The following GRAMD1B variants were observed in gnomAD, a reference collection of about 807,000 sequenced individuals.
GRAMD1B encodes GRAM domain containing 1B.
GRAMD1B carries 37 observed loss-of-function variants against 99.7 expected under a neutral mutation model. That is an observed-to-expected ratio of 0.37 (90% CI 0.29 to 0.49). The LOEUF is 0.49. Ranked by LOEUF, GRAMD1B falls within the 20% of genes least tolerant of loss-of-function variation. The pLI is 0.98. For missense variants in GRAMD1B, 888 were observed against 1,009.2 expected (o/e 0.88, Z 1.63); for synonymous variants, 427 against 387.6 (o/e 1.10, Z -1.19).
rs2135041792 is a variant in GRAMD1B at position 123,492,561 on chromosome 11, A to G, written c.452+11668A>G. On this transcript the variant is annotated intron_variant, in intron 2 of 19. Coordinates refer to ENST00000635736, the MANE Select transcript of GRAMD1B (RefSeq NM_001387025.1). The surrounding 1 kb of genome is among the most constrained non-coding windows in gnomAD (Gnocchi z 4.2). ...CTGCCCTCTTGGCCTCTGTAACTAGAAGAAGGAGATTTCCTGGAGGAGGAA... is the reference window on the plus strand; with the variant it reads ...CTGCCCTCTTGGCCTCTGTAACTAGGAGAAGGAGATTTCCTGGAGGAGGAA... Among the ~76,000 whole-genome samples the G allele has an allele frequency of 6.6e-6, 1 of 152,218 alleles. No individual in the cohort carries two copies. Among genetic ancestry groups the G allele is most frequent in the African/African-American group, 2.4e-5 (1 of 41,522 alleles).
At chr11:123,613,200 G>A (rs941044081) in intron 15 of GRAMD1B, 64 of 567,416 alleles carry the variant, frequency 1.1e-4, no homozygotes, top group Admixed American at 3.4e-4. Context: ...TATTTAAGAC[G>A]TGTATGCCCC....
At chr11:123,451,973 A>C (rs1017808236) in intron 1 of GRAMD1B, among the ~76,000 whole-genome samples, 4 of 152,116 alleles carry the variant, frequency 2.6e-5, no homozygotes, top group Non-Finnish European at 5.9e-5. Flanking sequence ...AGCCGGGACC[A>C]CAGGCACGTG....
intron 2 of GRAMD1B, among the ~76,000 whole-genome samples, chr11:123,514,474 T>A: frequency 6.6e-6 from 1 of 152,194 alleles, no homozygotes; most frequent in Non-Finnish European, 1.5e-5. Flanking sequence ...ATGCAATGTC[T>A]TAGGATTAAT....
At chr11:123,600,040 C>T (rs1243589216) in intron 7 of GRAMD1B, among the ~76,000 whole-genome samples, 1 of 152,128 alleles carries the variant, frequency 6.6e-6, no homozygotes, top group African/African-American at 2.4e-5. Context: ...TAGATTAGTG[C>T]CTAATACATA....
chr11:123,571,109 C>G (rs895182239), intron 2 of GRAMD1B, among the ~76,000 whole-genome samples: 2 of 152,224 alleles, frequency 1.3e-5, no homozygotes, highest in Non-Finnish European at 2.9e-5. Context: ...ACATATTTTG[C>G]AATATCTGGG....
In GRAMD1B at chr11:123,625,403, G is replaced by C. The variant is rs1421899232; in HGVS notation, c.*2808G>C. 1 of 152,230 alleles carries C rather than the reference G, an allele frequency of 6.6e-6. No homozygotes were observed. Among genetic ancestry groups the C allele is most frequent in the Non-Finnish European group, 1.5e-5 (1 of 68,044 alleles). 9.4% of individuals were successfully genotyped at this position (152,230 alleles called of 1,614,324 possible). ...AATTTGCAGTTTCTAACAAGGTGAAGAACAGCTATAGGATCTAAAGTTCCA... is the reference window on the plus strand; with the variant it reads ...AATTTGCAGTTTCTAACAAGGTGAACAACAGCTATAGGATCTAAAGTTCCA... On this transcript the variant is annotated 3_prime_UTR_variant, in exon 20 of 20. Transcript: ENST00000635736.
intron 2 of GRAMD1B, among the ~76,000 whole-genome samples, chr11:123,576,239 G>A (rs1013297749): frequency 6.6e-6 from 1 of 152,194 alleles, no homozygotes; most frequent in Admixed American, 6.5e-5. Context: ...CCCACTCCCC[G>A]AGGGAAGGCT....
At chr11:123,533,857 A>G (rs1005079678) in intron 2 of GRAMD1B, among the ~76,000 whole-genome samples, 1 of 152,256 alleles carries the variant, frequency 6.6e-6, no homozygotes, top group Non-Finnish European at 1.5e-5. Flanking sequence ...CACACAGCTC[A>G]AAAGTGTTTG....
At chr11:123,461,930 G>GT (rs1950435406) in intron 1 of GRAMD1B, among the ~76,000 whole-genome samples, 1 of 141,500 alleles carries the variant, frequency 7.1e-6, no homozygotes, top group Non-Finnish European at 1.6e-5. Flanking sequence ...TTCAAGTGCA[G>GT]GTTTTTTTTT....
chr11:123,449,627 A>G (rs571887699), intron 1 of GRAMD1B, among the ~76,000 whole-genome samples: 40 of 149,586 alleles, frequency 2.7e-4, no homozygotes, highest in Non-Finnish European at 4.7e-4. Flanking sequence ...CAGGGTGGAG[A>G]TTGCTGGTGA....
At chr11:123,606,217 A>C (rs1952687330) in intron 10 of GRAMD1B, among the ~76,000 whole-genome samples, 1 of 152,240 alleles carries the variant, frequency 6.6e-6, no homozygotes, top group Admixed American at 6.5e-5. Flanking sequence ...TTCCAGGGCT[A>C]ATGAGAGAAT....
At chr11:123,581,998 T>C (rs1020209554) in intron 3 of GRAMD1B, among the ~76,000 whole-genome samples, 2 of 152,254 alleles carry the variant, frequency 1.3e-5, no homozygotes, top group African/African-American at 4.8e-5. Flanking sequence ...CCCAGCGTCT[T>C]ACACGAAGGT....
At chr11:123,548,347 CACATAT>C (rs1945274062) in intron 2 of GRAMD1B, among the ~76,000 whole-genome samples, 3 of 115,198 alleles carry the variant, frequency 2.6e-5, no homozygotes, top group Admixed American at 9.2e-5. Context: ...CACACACACA[CACATAT>C]ATATATATAT....
intron 2 of GRAMD1B, among the ~76,000 whole-genome samples, chr11:123,496,616 C>T (rs1194978353): frequency 6.6e-6 from 1 of 151,292 alleles, no homozygotes; most frequent in Non-Finnish European, 1.5e-5. Context: ...TTCTAGATCT[C>T]GTAGGCATGC....
At chr11:123,475,661 G>C (rs1196889581) in intron 1 of GRAMD1B, among the ~76,000 whole-genome samples, 1 of 152,180 alleles carries the variant, frequency 6.6e-6, no homozygotes, top group African/African-American at 2.4e-5. Flanking sequence ...CCAAATCCTA[G>C]TTTAGAGTTT....
intron 1 of GRAMD1B, among the ~76,000 whole-genome samples, chr11:123,360,098 C>T (rs541680014): frequency 6.6e-6 from 1 of 152,314 alleles, no homozygotes; most frequent in South Asian, 2.1e-4. Context: ...TATAGAATCT[C>T]ACTGTGGAAC....
intron 1 of GRAMD1B, among the ~76,000 whole-genome samples, chr11:123,408,991 T>G (rs1947948230): frequency 6.6e-6 from 1 of 152,234 alleles, no homozygotes; most frequent in African/African-American, 2.4e-5. Flanking sequence ...ACACTTGCCC[T>G]CTTTTTTATG....
At chr11:123,606,463 A>G (rs113276190) in intron 10 of GRAMD1B, 146 bp from the exon 11 acceptor site, 28 of 666,276 alleles carry the variant, frequency 4.2e-5, no homozygotes, top group African/African-American at 2.0e-4. Flanking sequence ...GCTCTGGGGA[A>G]GGGCTTTGGA....
upstream of GRAMD1B, among the ~76,000 whole-genome samples, chr11:123,426,757 C>T (rs1315403813): frequency 6.6e-6 from 1 of 152,160 alleles, no homozygotes; most frequent in Non-Finnish European, 1.5e-5. Context: ...TCCGGGGTGC[C>T]AGCGCCTTCC....
Sources: gnomAD v4.1 joint callset for allele counts (sites outside exome capture counted in the v4.1 genomes callset) on GRCh38, gnomAD v4.1.1 for gene constraint, Gnocchi (gnomAD v3.1) non-coding constraint, MANE v1.5 for transcripts, NCBI Gene and HGNC (gene_info 2026-07-23, HGNC 2026-07-21) for gene names.